The following RAPGEF4 variants were observed in gnomAD, a reference collection of about 807,000 sequenced individuals.
The protein encoded by RAPGEF4 is Rap guanine nucleotide exchange factor 4.
In RAPGEF4, 66 loss-of-function variants were observed where a neutral mutation model predicts 147.9. The ratio of observed to expected loss-of-function variants is 0.45; its 90% CI spans 0.37 to 0.55. The LOEUF (loss-of-function observed/expected upper bound fraction) is 0.55, where lower values mean the gene tolerates loss of function less well. Among genes scored for constraint, RAPGEF4 ranks in the 20% least tolerant of loss-of-function variants. The probability of loss-of-function intolerance (pLI) is 0.00; values close to 1 mark genes in which losing one functional copy is unlikely to be tolerated. For synonymous variants in RAPGEF4, 419 were observed against 442.7 expected, an observed-to-expected ratio of 0.95 and a Z score of 0.67; for missense variants, 1,071 against 1,257.3, an observed-to-expected ratio of 0.85 and a Z score of 2.24.
chr2:172,974,150 A>G (rs145031633), intron 10 of RAPGEF4, among the ~76,000 whole-genome samples: 27 of 152,316 alleles, frequency 1.8e-4, no homozygotes, highest in African/African-American at 6.0e-4. Context: ...TGAGGTAGTT[A>G]TTTAACATTA....
chr2:172,801,009 T>C, intron 3 of RAPGEF4, among the ~76,000 whole-genome samples: 1 of 152,148 alleles, frequency 6.6e-6, no homozygotes, highest in South Asian at 2.1e-4. Context: ...GAAAAGATCA[T>C]TGCTAAGTGC....
Position 172,961,028 on chromosome 2 carries a change from T to G in RAPGEF4, c.592-94T>G. 2.9e-6 allele frequency: 3 copies of G among 1,023,960 alleles called. No homozygotes were observed. In the South Asian group the frequency reaches 4.1e-5, roughly 14 times the overall value. 63.4% of individuals were successfully genotyped at this position (1,023,960 alleles called of 1,614,324 possible). On this transcript the variant is annotated intron_variant, in intron 7 of 30. Coordinates refer to ENST00000397081, the MANE Select transcript of RAPGEF4 (RefSeq NM_007023.4). ...GTGAGTTATGTTTTCCAAGCCAGAG[T>G]CAGATTGGAAAGTGGTTTCAGGATT...
intron 6 of RAPGEF4, among the ~76,000 whole-genome samples, chr2:172,937,991 T>G (rs1250716077): frequency 6.6e-6 from 1 of 152,168 alleles, no homozygotes; most frequent in Non-Finnish European, 1.5e-5. Context: ...TATGGAGCAC[T>G]GCCTTACCTG....
At chr2:173,040,601 C>T (rs1052733097) in intron 29 of RAPGEF4, among the ~76,000 whole-genome samples, 1 of 152,184 alleles carries the variant, frequency 6.6e-6, no homozygotes, top group Non-Finnish European at 1.5e-5. Flanking sequence ...TCACAGCAAA[C>T]CACCATGCCA....
At chr2:172,761,808 G>C (rs1298603685) in intron 1 of RAPGEF4, among the ~76,000 whole-genome samples, 1 of 152,030 alleles carries the variant, frequency 6.6e-6, no homozygotes, top group South Asian at 2.1e-4. Context: ...GTGCCCTCCT[G>C]TTTCCACTAT....
In RAPGEF4 at chr2:172,904,302, G is replaced by A. The variant is rs116136226; in HGVS notation, c.445-13500G>A. 3.1e-3 allele frequency among the ~76,000 whole-genome samples: 471 copies of A among 152,282 alleles called. 1 individual carries two copies. Among genetic ancestry groups the A allele is most frequent in the African/African-American group, 0.011 (458 of 41,544 alleles). ...TTTCTCTGTGAACAAGGAGGCAATGGCTATGTTTTTCACTGTTCTTAGTCC... is the reference window on the plus strand; with the variant it reads ...TTTCTCTGTGAACAAGGAGGCAATGACTATGTTTTTCACTGTTCTTAGTCC... On this transcript the variant is annotated intron_variant, in intron 4 of 30. Coordinates refer to ENST00000397081, the MANE Select transcript of RAPGEF4 (RefSeq NM_007023.4).
chr2:172,829,171 C>CGTCT lies in RAPGEF4; in HGVS notation c.444+14746_444+14747insGTCT, dbSNP rs1291683006. The stretch of plus-strand genomic sequence containing the variant: ...CAAAACTGATCCAGTGGGAACTAGA[C>CGTCT]ACACTCAGGAGATCCATTTAGTTTC... On this transcript the variant is annotated intron_variant, in intron 4 of 30. Transcript: ENST00000397081. Among the ~76,000 whole-genome samples, 5 of 152,240 alleles carry CGTCT rather than the reference C, an allele frequency of 3.3e-5. No individual in the cohort carries two copies. In the East Asian group the frequency reaches 9.6e-4, roughly 29 times the overall value.
At chr2:172,768,505 TA>T (rs60090129) in intron 1 of RAPGEF4, among the ~76,000 whole-genome samples, 3,670 of 98,152 alleles carry the variant, frequency 0.037, 87 homozygotes, top group African/African-American at 0.088. Flanking sequence ...CAACCAAAAG[TA>T]AAAAAAAAAA....
chr2:172,891,204 C>T (rs1207138171), intron 4 of RAPGEF4, among the ~76,000 whole-genome samples: 4 of 152,108 alleles, frequency 2.6e-5, no homozygotes, highest in Non-Finnish European at 5.9e-5. Flanking sequence ...TCTGAACATG[C>T]GGTTCTGTGT....
intron 6 of RAPGEF4, among the ~76,000 whole-genome samples, chr2:172,923,142 C>T (rs533001938): frequency 3.2e-4 from 48 of 152,292 alleles, no homozygotes; most frequent in South Asian, 6.2e-4. Flanking sequence ...TTTCCATATC[C>T]GTTCTCAGAT....
At chr2:172,764,355 G>T (rs1242281570) in intron 1 of RAPGEF4, among the ~76,000 whole-genome samples, 1 of 152,150 alleles carries the variant, frequency 6.6e-6, no homozygotes, top group Non-Finnish European at 1.5e-5. Context: ...CTTACACAAA[G>T]TAGGTGCCAG....
chr2:172,769,820 T>TA (rs923316386), intron 1 of RAPGEF4, among the ~76,000 whole-genome samples: 3 of 152,140 alleles, frequency 2.0e-5, no homozygotes, highest in African/African-American at 7.2e-5. Context: ...CATCTTACAT[T>TA]AAAAAAACTG....
chr2:172,944,550 A>G (rs189988502), intron 6 of RAPGEF4, among the ~76,000 whole-genome samples: 56 of 152,228 alleles, frequency 3.7e-4, no homozygotes, highest in African/African-American at 1.2e-3. Context: ...AAAACCCAAC[A>G]CTTCCAGAAT....
chr2:173,014,471 G>C lies in RAPGEF4; in HGVS notation c.1666G>C (p.Ala556Pro). The C allele has an allele frequency of 6.2e-7, 1 of 1,613,706 alleles. No homozygotes were observed. Among genetic ancestry groups the C allele is most frequent in the Non-Finnish European group, 8.5e-7 (1 of 1,179,806 alleles). The change falls in exon 18 of 31, where the codon GCA becomes CCA. Residue 556 changes from alanine to proline, a missense_variant. Coordinates refer to ENST00000397081, the MANE Select transcript of RAPGEF4 (RefSeq NM_007023.4). ...LCPALVAHYH[A>P]QPSQGTEQEK... ...TCCTTGACTCCTCGGCACCTACCAC[G>C]CACAGCCTTCACAAGGTACAGAACA...
At chr2:172,795,310 C>G in intron 2 of RAPGEF4, 143 bp downstream of exon 2, 3 of 840,872 alleles carry the variant, frequency 3.6e-6, no homozygotes, top group Non-Finnish European at 1.8e-6. Flanking sequence ...ACATTTCCCT[C>G]TAGTCTGTTT....
chr2:172,814,511 C>A, intron 4 of RAPGEF4, 86 bp downstream of exon 4: 4 of 1,470,348 alleles, frequency 2.7e-6, no homozygotes, highest in Non-Finnish European at 3.8e-6. Flanking sequence ...ACAGTCAAGC[C>A]TTAATGTGTT....
chr2:172,812,909 G>C (rs1291465182), intron 3 of RAPGEF4, among the ~76,000 whole-genome samples: 1 of 152,200 alleles, frequency 6.6e-6, no homozygotes, highest in Non-Finnish European at 1.5e-5. Flanking sequence ...AAATTGCTCA[G>C]AGAGACCTAA....
At chr2:172,886,908 C>T (rs1268623434) in intron 4 of RAPGEF4, among the ~76,000 whole-genome samples, 5 of 152,130 alleles carry the variant, frequency 3.3e-5, no homozygotes, top group African/African-American at 4.8e-5. Context: ...GAAAAATTGG[C>T]CGGGCGCGGT....
intron 4 of RAPGEF4, chr2:172,889,740 A>G: frequency 2.7e-6 from 2 of 732,832 alleles, no homozygotes; most frequent in Non-Finnish European, 3.3e-6. Flanking sequence ...TGTTACTTTC[A>G]AATGTCAATC....
Sources: allele counts gnomAD v4.1 joint callset (sites outside exome capture counted in the v4.1 genomes callset), GRCh38; gene constraint gnomAD v4.1.1; transcripts MANE v1.5; gene names NCBI Gene and HGNC (gene_info 2026-07-23, HGNC 2026-07-21).